TENM2: variants seen among roughly 807,000 people sequenced by gnomAD.
The protein encoded by TENM2 is teneurin transmembrane protein 2.
In TENM2, 52 loss-of-function variants were observed where a neutral mutation model predicts 245.2. That is an observed-to-expected ratio of 0.21 (90% CI 0.17 to 0.27). The LOEUF is 0.27. Among genes scored for constraint, TENM2 ranks in the 10% least tolerant of loss-of-function variants. The pLI, the probability that TENM2 is intolerant of heterozygous loss-of-function variation, is 1.00. For missense variants in TENM2, 3,046 were observed against 3,666.8 expected, an observed-to-expected ratio of 0.83 and a Z score of 4.37; for synonymous variants, 1,363 against 1,438.9, an observed-to-expected ratio of 0.95 and a Z score of 1.19.
At chr5:168,076,406 A>G (rs921191404) in intron 7 of TENM2, among the ~76,000 whole-genome samples, 2 of 151,804 alleles carry the variant, frequency 1.3e-5, no homozygotes, top group African/African-American at 4.8e-5. Flanking sequence ...TGGTATTTTT[A>G]GCAGAGACGG....
In TENM2 at chr5:167,391,649, C is replaced by T. The variant is rs944475865; in HGVS notation, c.502+16176C>T. The stretch of plus-strand genomic sequence containing the variant: ...AAAAAAAAAAAAAAAAAAAAAAAAG[C>T]ACTCTCAAGGATTTCTAACTTTAGC... On this transcript the variant is annotated intron_variant, in intron 2 of 28. Transcript: ENST00000518659. Among the ~76,000 whole-genome samples the T allele has an allele frequency of 4.1e-5, 5 of 121,664 alleles. No individual in the cohort carries two copies. In the East Asian group the frequency reaches 1.2e-3, roughly 30 times the overall value. 79.8% of individuals were successfully genotyped at this position (121,664 alleles called of 152,430 possible). A position where few individuals can be genotyped will look rare whatever the true frequency, so the allele number is the denominator to read the frequency against.
At chr5:168,020,680 C>T (rs1360559207) in intron 5 of TENM2, among the ~76,000 whole-genome samples, 1 of 152,192 alleles carries the variant, frequency 6.6e-6, no homozygotes, top group Non-Finnish European at 1.5e-5. Flanking sequence ...GCCGGCTTCC[C>T]AAACTGATAT....
At chr5:168,034,257 G>C (rs1787460306) in intron 5 of TENM2, among the ~76,000 whole-genome samples, 1 of 147,094 alleles carries the variant, frequency 6.8e-6, no homozygotes. Context: ...GCAGGAGAAT[G>C]AATCACTTGA....
At chr5:168,203,981 C>A in intron 18 of TENM2, 149 bp downstream of exon 20, 1 of 486,614 alleles carries the variant, frequency 2.1e-6, no homozygotes, top group Non-Finnish European at 3.4e-6. Flanking sequence ...TTCCTACCTT[C>A]TTCTTTTATT....
At chr5:167,872,522 AAGAAAGAAAGAAAGAAAGAAAGAAAG>A (rs1357032026) in intron 2 of TENM2, among the ~76,000 whole-genome samples, 2,582 of 49,260 alleles carry the variant, frequency 0.052, 72 homozygotes, top group African/African-American at 0.1. Flanking sequence ...GAAAGAAAGA[AAGAAAGAAAGAAAGAAAGAAAGAAAG>A]AGAAAGAAAG....
intron 2 of TENM2, among the ~76,000 whole-genome samples, chr5:167,747,224 G>A (rs1761653045): frequency 6.6e-6 from 1 of 152,072 alleles, no homozygotes; most frequent in South Asian, 2.1e-4. Flanking sequence ...ATTCCCAGTG[G>A]GCAAGTGATA....
intron 2 of TENM2, among the ~76,000 whole-genome samples, chr5:167,466,077 T>C (rs1766633118): frequency 6.6e-6 from 1 of 152,180 alleles, no homozygotes; most frequent in African/African-American, 2.4e-5. Context: ...AGTCTGGCTT[T>C]ATCATCTACT....
chr5:167,276,352 T>TG, the TENM2 span, among the ~76,000 whole-genome samples: 2,406 of 34,136 alleles, frequency 0.07, 48 homozygotes, highest in East Asian at 0.21. Flanking sequence ...CCTGTTCATT[T>TG]TGTGTGTGTG....
chr5:167,187,929 C>A, the TENM2 span, among the ~76,000 whole-genome samples: 24 of 152,086 alleles, frequency 1.6e-4, no homozygotes, highest in Non-Finnish European at 2.6e-4. Flanking sequence ...TCACATTTCT[C>A]CCCCTGGCAG....
intron 2 of TENM2, among the ~76,000 whole-genome samples, chr5:167,767,279 A>G (rs762604271): frequency 4.3e-4 from 65 of 152,338 alleles, no homozygotes; most frequent in Middle Eastern, 3.4e-3. Context: ...TATTATGCCA[A>G]TTGAAAAAAC....
intron 2 of TENM2, among the ~76,000 whole-genome samples, chr5:167,378,525 T>G (rs2127323984): frequency 6.6e-6 from 1 of 152,236 alleles, no homozygotes; most frequent in Admixed American, 6.5e-5. Flanking sequence ...TTCAGGTTCT[T>G]TAATCCTATC....
chr5:167,199,922 A>G, the TENM2 span, among the ~76,000 whole-genome samples: 21 of 151,370 alleles, frequency 1.4e-4, no homozygotes, highest in African/African-American at 4.7e-4. Context: ...ATTATAATTA[A>G]GTTAAGGCAT....
rs1006367988 is a variant in TENM2, at chr5:168,091,822, G to C, written c.1711+1053G>C. 3.3e-5 allele frequency among the ~76,000 whole-genome samples: 5 copies of C among 152,290 alleles called. No homozygotes were observed. In the East Asian group the frequency reaches 9.7e-4, roughly 29 times the overall value. On this transcript the variant is annotated intron_variant, in intron 8 of 28. Coordinates refer to ENST00000518659, the Ensembl canonical transcript of TENM2. ...CCCACAGGGTGGCTTCTTGAAGAAAGACCTGGTAGCTCCAGCATTAAATCC... is the reference window on the plus strand; with the variant it reads ...CCCACAGGGTGGCTTCTTGAAGAAACACCTGGTAGCTCCAGCATTAAATCC...
chr5:167,164,261 T>C, the TENM2 span, among the ~76,000 whole-genome samples: 1 of 152,210 alleles, frequency 6.6e-6, no homozygotes, highest in African/African-American at 2.4e-5. Flanking sequence ...TGAGCTGCTT[T>C]ACCTCTCAGA....
intron 3 of TENM2, among the ~76,000 whole-genome samples, chr5:167,908,474 C>T (rs1439201719): frequency 8.4e-5 from 4 of 47,662 alleles, no homozygotes; most frequent in Admixed American, 7.7e-4. Context: ...CCTTCCCCTC[C>T]CCTCTCTTCT....
chr5:167,889,543 A>AC (rs548988907), intron 3 of TENM2, among the ~76,000 whole-genome samples: 1 of 151,228 alleles, frequency 6.6e-6, no homozygotes, highest in African/African-American at 2.4e-5. Flanking sequence ...ACCATTACCC[A>AC]CCCCCCTTTC....
chr5:168,203,633 T>TA, intron 17 of TENM2, 56 bp from the exon 20 acceptor site: 1 of 1,502,642 alleles, frequency 6.7e-7, no homozygotes, highest in Non-Finnish European at 9.1e-7. Flanking sequence ...AGCTCTGGAG[T>TA]AATCAAGTAA....
chr5:167,100,722 A>G, the TENM2 span, among the ~76,000 whole-genome samples: 1 of 152,068 alleles, frequency 6.6e-6, no homozygotes, highest in Non-Finnish European at 1.5e-5. Context: ...GGAGGGGTGC[A>G]ACAAAGAGAG....
intron 2 of TENM2, among the ~76,000 whole-genome samples, chr5:167,715,786 A>G (rs1759214655): frequency 1.3e-5 from 2 of 152,324 alleles, no homozygotes; most frequent in African/African-American, 2.4e-5. Flanking sequence ...CTCATTTTAT[A>G]TAGAACATGC....
Sources: gnomAD v4.1 joint callset for allele counts (sites outside exome capture counted in the v4.1 genomes callset) on GRCh38, gnomAD v4.1.1 for gene constraint, MANE v1.5 for transcripts, NCBI Gene and HGNC (gene_info 2026-07-23, HGNC 2026-07-21) for gene names.